Variants in DRC3 observed in about 807,000 individuals in gnomAD.
DRC3 encodes the protein leucine rich repeat containing 48.
A neutral mutation model predicts 57.6 loss-of-function variants in DRC3; 45 were observed. The ratio of observed to expected loss-of-function variants is 0.78; its 90% CI spans 0.62 to 1.00. DRC3 has a LOEUF of 1.00. Ranked by LOEUF, DRC3 falls within the 50% of genes least tolerant of loss-of-function variation. DRC3 has a pLI of 0.00. For synonymous variants in DRC3, 257 were observed against 272.3 expected, an observed-to-expected ratio of 0.94 and a Z score of 0.55; for missense variants, 655 against 675.2, an observed-to-expected ratio of 0.97 and a Z score of 0.33.
At chr17:17,985,243 T>A (rs1056884131) in intron 4 of DRC3, among the ~76,000 whole-genome samples, 4 of 152,204 alleles carry the variant, frequency 2.6e-5, no homozygotes, top group Non-Finnish European at 5.9e-5. Flanking sequence ...ATTTTCCTAC[T>A]ACTTGGAGCC....
intron 5 of DRC3, among the ~76,000 whole-genome samples, chr17:17,988,917 C>G (rs1242342929): frequency 6.6e-6 from 1 of 152,156 alleles, no homozygotes; most frequent in Admixed American, 6.5e-5. Flanking sequence ...TAAACCCAAC[C>G]AAGGGTCAAG....
At position 17,996,493 on chromosome 17, in the gene DRC3, T is replaced by C. The variant is rs1025755665; in HGVS notation, c.825-967T>C. ...ATCTCATGAGACTCATTCACTATCA[T>C]GAGAACAGCACAGGAAAGACTCACC... On this transcript the variant is annotated intron_variant, in intron 8 of 13. Coordinates refer to ENST00000399187, the MANE Select transcript of DRC3 (RefSeq NM_031294.4). Among the ~76,000 whole-genome samples, 66 of 152,122 alleles carry C rather than the reference T, an allele frequency of 4.3e-4. 1 individual carries two copies. Among genetic ancestry groups the C allele is most frequent in the African/African-American group, 1.6e-3 (65 of 41,420 alleles).
rs572769443 is a variant in DRC3, at chr17:17,999,890, G to A, written c.999+2256G>A. ...CTGAAGAATGGCCACTGGGGGATAC[G>A]GTCTCCCTCCTACTCCTGTATCTCT... On this transcript the variant is annotated intron_variant, in intron 9 of 13. Transcript: ENST00000399187. 1.1e-3 allele frequency among the ~76,000 whole-genome samples: 166 copies of A among 152,332 alleles called. 1 individual carries two copies. The highest frequency in any genetic ancestry group is 3.8e-3 in the African/African-American group (156 of 41,570).
At chr17:17,973,386 T>C (rs2042225117) in intron 1 of DRC3, among the ~76,000 whole-genome samples, 1 of 152,228 alleles carries the variant, frequency 6.6e-6, no homozygotes, top group Admixed American at 6.5e-5. Flanking sequence ...TGGATGTGAA[T>C]ACGGCTACTC....
chr17:17,980,247 T>C (rs905175663), intron 3 of DRC3, among the ~76,000 whole-genome samples: 5 of 151,914 alleles, frequency 3.3e-5, no homozygotes, highest in Non-Finnish European at 7.4e-5. Context: ...CTGTATGTTT[T>C]TTTTTTGTTT....
chr17:18,016,871 C>CAA lies in DRC3; in HGVS notation c.*201_*202insAA. The CAA allele has an allele frequency of 2.7e-6, 1 of 369,580 alleles. No homozygotes were observed. The highest frequency in any genetic ancestry group is 4.7e-6 in the Non-Finnish European group (1 of 214,016). The allele number at this position is 369,580 out of a possible 1,614,324, so 22.9% of individuals were successfully genotyped here. On this transcript the variant is annotated 3_prime_UTR_variant, in exon 14 of 14. Coordinates refer to ENST00000399187, the MANE Select transcript of DRC3 (RefSeq NM_031294.4). The stretch of plus-strand genomic sequence containing the variant: ...GGACTCATTTCACATTTCCCCTACT[C>CAA]ATAAAAAAAAAAAAAAAATCAGCTG...
intron 2 of DRC3, 132 bp from the exon 3 acceptor site, chr17:17,977,450 C>A: frequency 9.3e-7 from 1 of 1,077,898 alleles, no homozygotes; most frequent in Non-Finnish European, 1.4e-6. Context: ...ATGCAGCAGA[C>A]CCAGGGCTGG....
chr17:18,009,210 T>C (rs114791532), intron 12 of DRC3, among the ~76,000 whole-genome samples: 171 of 152,258 alleles, frequency 1.1e-3, no homozygotes, highest in African/African-American at 3.9e-3. Context: ...GCCCTGGAAT[T>C]TGAGACCAGC....
chr17:18,001,073 C>T lies in DRC3; in HGVS notation c.1000-3290C>T, dbSNP rs562009810. ...CAACACCACACCTGGCTGTTTCTTT[C>T]TTTTTTTCTTTTTCTTTCTTTTTTT... On this transcript the variant is annotated intron_variant, in intron 9 of 13. Transcript: ENST00000399187. 2.0e-5 allele frequency among the ~76,000 whole-genome samples: 3 copies of T among 151,396 alleles called. No homozygotes were observed. The East Asian group carries it at 5.8e-4, about 29-fold the overall frequency.
intron 3 of DRC3, among the ~76,000 whole-genome samples, chr17:17,982,445 C>T (rs1452560601): frequency 6.6e-6 from 1 of 151,070 alleles, no homozygotes; most frequent in Non-Finnish European, 1.5e-5. Context: ...TCCACCTCCT[C>T]ACCTCCTGAT....
intron 3 of DRC3, among the ~76,000 whole-genome samples, chr17:17,982,107 C>T (rs2145229659): frequency 6.6e-6 from 1 of 152,288 alleles, no homozygotes; most frequent in African/African-American, 2.4e-5. Context: ...ATTCTCCTGC[C>T]TCAGCCTCCA....
intron 9 of DRC3, among the ~76,000 whole-genome samples, chr17:18,000,891 T>C (rs577562718): frequency 1.3e-5 from 2 of 152,092 alleles, no homozygotes; most frequent in Non-Finnish European, 2.9e-5. Context: ...CTCTCTCTCT[T>C]CTTAAATTAT....
chr17:17,981,265 A>C (rs751842657), intron 3 of DRC3: 5 of 273,196 alleles, frequency 1.8e-5, no homozygotes, highest in African/African-American at 9.0e-5. Context: ...GGGGAACAGG[A>C]TGATGGCCAG....
chr17:17,986,896 C>A (rs548802720), intron 4 of DRC3, among the ~76,000 whole-genome samples: 29 of 152,260 alleles, frequency 1.9e-4, no homozygotes, highest in Admixed American at 1.3e-3. Flanking sequence ...TGCCAGGTAA[C>A]CCTGAAAACC....
intron 12 of DRC3, among the ~76,000 whole-genome samples, chr17:18,010,418 A>G (rs1252872272): frequency 1.3e-5 from 2 of 152,188 alleles, no homozygotes; most frequent in African/African-American, 2.4e-5. Flanking sequence ...TACAGATTCA[A>G]TGCAATCCCC....
At chr17:18,007,533 G>C in intron 12 of DRC3, 1 of 1,531,956 alleles carries the variant, frequency 6.5e-7, no homozygotes, top group East Asian at 2.5e-5. Context: ...GTACTGTGGG[G>C]GTGTTGGAAC....
At chr17:18,000,192 C>G (rs1034248854) in intron 9 of DRC3, among the ~76,000 whole-genome samples, 2 of 50,966 alleles carry the variant, frequency 3.9e-5, no homozygotes, top group African/African-American at 1.6e-4. Context: ...CTTTGCTTTC[C>G]TCTGTGTGTG....
Position 17,987,916 on chromosome 17 carries a change from CCTCT to C in DRC3, c.278-13_278-10del. On this transcript the variant is annotated splice_polypyrimidine_tract_variant and intron_variant, in intron 4 of 13. Transcript: ENST00000399187. ...GACCCAGGCAGCAGACCCTCACAGCCCTCTCTTCTTCCCAGATCTGTCTTTCAAC... is the reference window on the plus strand; with the variant it reads ...GACCCAGGCAGCAGACCCTCACAGCCCTTCTTCCCAGATCTGTCTTTCAAC... The C allele has an allele frequency of 1.2e-6, 2 of 1,612,650 alleles. No individual in the cohort carries two copies. Among genetic ancestry groups the C allele is most frequent in the Non-Finnish European group, 1.7e-6 (2 of 1,179,118 alleles).
Position 18,007,164 on chromosome 17 carries a change from G to GTCGGGGAAGGGCTGGATGGAGTTGGA in DRC3, c.1326+17_1326+18insTCGGGGAAGGGCTGGATGGAGTTGGA. On this transcript the variant is annotated intron_variant, in intron 12 of 13. Coordinates refer to ENST00000399187, the MANE Select transcript of DRC3 (RefSeq NM_031294.4). ...CTGCGCGCGGTAGGCGGGGCGGGCTGCTCGGAGCCTGACAGATGTGGTCCA... is the reference window on the plus strand; with the variant it reads ...CTGCGCGCGGTAGGCGGGGCGGGCTGTCGGGGAAGGGCTGGATGGAGTTGGACTCGGAGCCTGACAGATGTGGTCCA... 1 of 1,131,696 alleles carries GTCGGGGAAGGGCTGGATGGAGTTGGA rather than the reference G, an allele frequency of 8.8e-7. No homozygotes were observed. The highest frequency in any genetic ancestry group is 1.2e-6 in the Non-Finnish European group (1 of 807,362). The allele number at this position is 1,131,696 out of a possible 1,614,324, so 70.1% of individuals were successfully genotyped here.
Sources: allele counts gnomAD v4.1 joint callset (sites outside exome capture counted in the v4.1 genomes callset), GRCh38; gene constraint gnomAD v4.1.1; transcripts MANE v1.5; gene names NCBI Gene and HGNC (gene_info 2026-07-23, HGNC 2026-07-21).